DCC: variants seen among roughly 807,000 people sequenced by gnomAD.
The protein encoded by DCC is DCC netrin 1 receptor, also known as netrin receptor DCC.
DCC carries 58 observed loss-of-function variants against 172.5 expected under a neutral mutation model. The ratio of observed to expected loss-of-function variants is 0.34; its 90% CI spans 0.27 to 0.42. DCC has a LOEUF of 0.42. DCC is among the 10% of genes least tolerant of loss of function. The pLI, the probability that DCC is intolerant of heterozygous loss-of-function variation, is 1.00. For synonymous variants in DCC, 709 were observed against 644.5 expected, an observed-to-expected ratio of 1.10 and a Z score of -1.52; for missense variants, 1,740 against 1,791.0, an observed-to-expected ratio of 0.97 and a Z score of 0.51.
intron 2 of DCC, among the ~76,000 whole-genome samples, chr18:52,845,040 G>A (rs2038863567): frequency 6.6e-6 from 1 of 152,214 alleles, no homozygotes; most frequent in African/African-American, 2.4e-5. Context: ...ATTCATCTGT[G>A]CTAACATCTG....
intron 5 of DCC, among the ~76,000 whole-genome samples, chr18:52,948,273 AATC>A (rs1468806335): frequency 2.0e-5 from 3 of 151,880 alleles, no homozygotes; most frequent in Non-Finnish European, 4.4e-5. Flanking sequence ...TGTTTAATGA[AATC>A]ATAAGTTTCT....
intron 5 of DCC, among the ~76,000 whole-genome samples, chr18:53,035,854 C>T (rs953138530): frequency 1.3e-5 from 2 of 151,810 alleles, no homozygotes; most frequent in Admixed American, 6.6e-5. Context: ...AATGGACATC[C>T]TTATACACAC....
At chr18:53,243,332 CAT>C (rs1426499492) in intron 12 of DCC, among the ~76,000 whole-genome samples, 1 of 152,102 alleles carries the variant, frequency 6.6e-6, no homozygotes, top group Non-Finnish European at 1.5e-5. Context: ...CATTGAGAAA[CAT>C]ATCAATCCAA....
intron 1 of DCC, among the ~76,000 whole-genome samples, chr18:52,696,167 G>C (rs1026693192): frequency 6.6e-6 from 1 of 152,178 alleles, no homozygotes; most frequent in Non-Finnish European, 1.5e-5. Context: ...TGGTCTTTAA[G>C]ATGTGAAACA....
chr18:52,904,705 G>T (rs1005726511), intron 2 of DCC, among the ~76,000 whole-genome samples: 1 of 152,078 alleles, frequency 6.6e-6, no homozygotes, highest in African/African-American at 2.4e-5. Flanking sequence ...AAAAATCACA[G>T]TAACATAAAA....
At chr18:52,404,883 A>G (rs1320654101) in intron 1 of DCC, among the ~76,000 whole-genome samples, 2 of 144,230 alleles carry the variant, frequency 1.4e-5, no homozygotes, top group East Asian at 4.2e-4. Flanking sequence ...TCATTGTTCA[A>G]TTCCCACCTA....
At chr18:52,591,940 G>C (rs558869420) in intron 1 of DCC, among the ~76,000 whole-genome samples, 2 of 151,784 alleles carry the variant, frequency 1.3e-5, no homozygotes, top group African/African-American at 4.8e-5. Context: ...GTAAGCTTCC[G>C]TGCCCAGCCT....
At chr18:52,745,348 A>G (rs1342715782) in intron 1 of DCC, among the ~76,000 whole-genome samples, 4 of 152,234 alleles carry the variant, frequency 2.6e-5, no homozygotes. Flanking sequence ...CCAGGCCACC[A>G]GATGTTTTGG....
intron 24 of DCC, among the ~76,000 whole-genome samples, chr18:53,466,819 C>G (rs1041955251): frequency 1.3e-5 from 2 of 152,144 alleles, no homozygotes; most frequent in Admixed American, 6.5e-5. Flanking sequence ...AGCCACCATG[C>G]CTGGCCAGGT....
chr18:53,194,438 G>C (rs544498206), intron 9 of DCC, among the ~76,000 whole-genome samples: 3 of 151,848 alleles, frequency 2.0e-5, no homozygotes, highest in Admixed American at 6.6e-5. Flanking sequence ...AGGTTTGGTG[G>C]TGGTGGTTTT....
chr18:53,165,552 T>C (rs1297565134), intron 8 of DCC, among the ~76,000 whole-genome samples: 2 of 152,166 alleles, frequency 1.3e-5, no homozygotes, highest in Non-Finnish European at 2.9e-5. Context: ...AAGTTAGCCT[T>C]CTTCTTAGAG....
chr18:53,219,299 C>T (rs531432651), intron 12 of DCC, among the ~76,000 whole-genome samples: 7 of 152,160 alleles, frequency 4.6e-5, no homozygotes, highest in African/African-American at 1.7e-4. Context: ...AACATCTGTG[C>T]CTGTGTTTCT....
chr18:52,576,385 G>T (rs1205383753), intron 1 of DCC, among the ~76,000 whole-genome samples: 1 of 152,112 alleles, frequency 6.6e-6, no homozygotes, highest in Non-Finnish European at 1.5e-5. Flanking sequence ...TTTTTTTATC[G>T]TGACTAAGAG....
At chr18:52,612,879 G>A (rs1003020015) in intron 1 of DCC, among the ~76,000 whole-genome samples, 3 of 152,138 alleles carry the variant, frequency 2.0e-5, no homozygotes, top group African/African-American at 7.2e-5. Flanking sequence ...CACTTCTGTC[G>A]AAGAGAAACT....
chr18:53,144,235 A>G (rs761060534), intron 7 of DCC, among the ~76,000 whole-genome samples: 6 of 152,186 alleles, frequency 3.9e-5, no homozygotes, highest in Non-Finnish European at 8.8e-5. Flanking sequence ...TTTTTGTTTC[A>G]ATACAGTCAT....
intron 7 of DCC, among the ~76,000 whole-genome samples, chr18:53,117,115 A>G (rs1259538184): frequency 1.3e-5 from 2 of 151,778 alleles, no homozygotes; most frequent in East Asian, 3.9e-4. Flanking sequence ...AATACTAAGC[A>G]TTTAAAACAT....
At chr18:52,649,260 C>T (rs541195464) in intron 1 of DCC, among the ~76,000 whole-genome samples, 1 of 151,628 alleles carries the variant, frequency 6.6e-6, no homozygotes, top group African/African-American at 2.4e-5. Context: ...GCAGTTTCAG[C>T]TACTTGGGAG....
Position 53,063,341 on chromosome 18 carries a change from A to G in DCC, c.1022A>G (p.Tyr341Cys). 6.2e-7 allele frequency: 1 copy of G among 1,613,406 alleles called. No homozygotes were observed. Among genetic ancestry groups the G allele is most frequent in the Non-Finnish European group, 8.5e-7 (1 of 1,179,602 alleles). The part of the protein sequence containing the change: ...PWFLNHPSNL[Y>C]AYESMDIEFE... The stretch of plus-strand genomic sequence containing the variant: ...TTTTTAAATCATCCTTCCAACCTGT[A>G]TGCCTATGAAAGCATGGATATTGAG... Residue 341 changes from tyrosine to cysteine, a missense_variant, in exon 6 of 29, where the codon TAT becomes TGT. Tyr to Cys is a radical substitution (Grantham distance 194). This residue lies in a region of DCC where 1,732 missense variants were observed against 1,767.4 expected (regional missense o/e 0.98). Transcript: ENST00000442544.
intron 13 of DCC, among the ~76,000 whole-genome samples, chr18:53,319,525 A>G (rs1045622445): frequency 2.0e-5 from 3 of 152,258 alleles, no homozygotes; most frequent in Admixed American, 6.5e-5. Flanking sequence ...CTTTCTAATG[A>G]TAACTTCAAG....
Sources: gnomAD v4.1 joint callset for allele counts (sites outside exome capture counted in the v4.1 genomes callset) on GRCh38, gnomAD v4.1.1 for gene constraint, gnomAD v4.1.1 regional missense constraint, MANE v1.5 for transcripts, NCBI Gene and HGNC (gene_info 2026-07-23, HGNC 2026-07-21) for gene names.